Variants in TMEM74 observed in about 807,000 individuals in gnomAD.
The protein encoded by TMEM74 is transmembrane protein 74.
Under a neutral mutation model 18.1 loss-of-function variants are expected in TMEM74, and 13 were observed. The ratio of observed to expected loss-of-function variants is 0.72; its 90% CI spans 0.47 to 1.14. The LOEUF is 1.14. Among genes scored for constraint, TMEM74 ranks in the 50% most tolerant of loss-of-function variants. The probability of loss-of-function intolerance (pLI) is 0.00; values close to 1 mark genes in which losing one functional copy is unlikely to be tolerated. For missense variants in TMEM74, 372 were observed against 375.9 expected, an observed-to-expected ratio of 0.99 and a Z score of 0.09; for synonymous variants, 159 against 146.6, an observed-to-expected ratio of 1.08 and a Z score of -0.61.
intron 1 of TMEM74, among the ~76,000 whole-genome samples, chr8:108,755,174 G>A (rs771910754): frequency 1.7e-4 from 26 of 152,042 alleles, no homozygotes; most frequent in Admixed American, 9.2e-4. Flanking sequence ...CTGCAGTCAA[G>A]GCCTGCCTTT....
Position 108,784,190 on chromosome 8 carries a change from T to TAC in TMEM74, c.907_908dup (p.Gln304TyrfsTer20). ...ATATTCACAACCAGAATTAACTCTG[T>TAC]ACAGCAAGCGCATCTTCCTCTACCA... On this transcript the variant is annotated frameshift_variant, in exon 2 of 2. Transcript: ENST00000297459. LOFTEE classifies it high-confidence loss of function. 6.2e-7 allele frequency: 1 copy of TAC among 1,607,502 alleles called. No individual in the cohort carries two copies. Among genetic ancestry groups the TAC allele is most frequent in the Non-Finnish European group, 8.5e-7 (1 of 1,175,702 alleles).
At chr8:108,690,083 A>G (rs1813209973) in intron 1 of TMEM74, among the ~76,000 whole-genome samples, 1 of 152,116 alleles carries the variant, frequency 6.6e-6, no homozygotes, top group African/African-American at 2.4e-5. Context: ...ACACGTATAT[A>G]TACACTCAAG....
intron 1 of TMEM74, among the ~76,000 whole-genome samples, chr8:108,723,035 A>G: frequency 6.6e-6 from 1 of 152,178 alleles, no homozygotes; most frequent in East Asian, 1.9e-4. Flanking sequence ...AGTGTTCCTT[A>G]CAGGGCTGAG....
intron 1 of TMEM74, among the ~76,000 whole-genome samples, chr8:108,763,990 G>A (rs1022443800): frequency 3.3e-5 from 5 of 152,074 alleles, no homozygotes; most frequent in African/African-American, 9.7e-5. Flanking sequence ...TAGTAAACAT[G>A]GATTTTTACC....
At chr8:108,707,434 G>A (rs1428310614) in intron 1 of TMEM74, among the ~76,000 whole-genome samples, 1 of 151,918 alleles carries the variant, frequency 6.6e-6, no homozygotes, top group Non-Finnish European at 1.5e-5. Flanking sequence ...AACCAAACAC[G>A]CCAAAATTTT....
chr8:108,784,295 G>C lies in TMEM74; in HGVS notation c.804C>G (p.Ser268=). Reference sequence around the variant, plus strand: ...AACCATAGAGTTTTGCAGACTCTTTGGAAGAGGCAAATCTGTTTCGACGAT... The same window carrying C: ...AACCATAGAGTTTTGCAGACTCTTTCGAAGAGGCAAATCTGTTTCGACGAT... ...ELYRRNRFAS[S]KESAKLYGSF... is the part of the protein sequence containing the mutation. Residue 268 remains serine, a synonymous_variant, in exon 2 of 2, where the codon TCC becomes TCG. Transcript: ENST00000297459. 3 of 1,614,038 alleles carry C rather than the reference G, an allele frequency of 1.9e-6. No individual in the cohort carries two copies.
At chr8:108,785,253 C>A in intron 1 of TMEM74, 116 bp from the exon 2 acceptor site, 1 of 718,978 alleles carries the variant, frequency 1.4e-6, no homozygotes, top group Non-Finnish European at 2.2e-6. Flanking sequence ...AGCCCCTTTT[C>A]CACCTCAAAC....
intron 2 of TMEM74, among the ~76,000 whole-genome samples, chr8:108,628,893 G>A (rs1812522497): frequency 6.6e-6 from 1 of 151,934 alleles, no homozygotes. Context: ...GTGATGGTGA[G>A]ATTTTTTTTT....
chr8:108,774,329 A>G (rs562946442), downstream of TMEM74, among the ~76,000 whole-genome samples: 1 of 152,308 alleles, frequency 6.6e-6, no homozygotes, highest in Non-Finnish European at 1.5e-5. Context: ...AAAATCTCCA[A>G]TGCTGTCCCT....
intron 2 of TMEM74, among the ~76,000 whole-genome samples, chr8:108,623,678 T>A (rs1409768340): frequency 6.6e-6 from 1 of 152,088 alleles, no homozygotes; most frequent in Non-Finnish European, 1.5e-5. Context: ...GTATTTCTAA[T>A]TTTCAGGGGA....
chr8:108,780,284 A>G lies in TMEM74; in HGVS notation c.*3897T>C, dbSNP rs1054229305. Among the ~76,000 whole-genome samples the G allele has an allele frequency of 1.6e-4, 24 of 152,160 alleles. No homozygotes were observed. Among genetic ancestry groups the G allele is most frequent in the African/African-American group, 5.8e-4 (24 of 41,438 alleles). ...TTCTCCTAAGAGATATACATATAGAACACTTTTTTAACTTGACAATTAATC... is the reference window on the plus strand; with the variant it reads ...TTCTCCTAAGAGATATACATATAGAGCACTTTTTTAACTTGACAATTAATC... On this transcript the variant is annotated 3_prime_UTR_variant, in exon 2 of 2. Transcript: ENST00000297459.
chr8:108,621,614 G>C (rs1271137031), intron 2 of TMEM74, among the ~76,000 whole-genome samples: 1 of 152,152 alleles, frequency 6.6e-6, no homozygotes, highest in African/African-American at 2.4e-5. Context: ...GTACAGAAGT[G>C]CTTTGCTGTA....
intron 1 of TMEM74, among the ~76,000 whole-genome samples, chr8:108,765,996 C>T (rs1450510639): frequency 2.0e-5 from 3 of 152,058 alleles, no homozygotes; most frequent in Non-Finnish European, 4.4e-5. Context: ...AGTATATCGG[C>T]AGATTATTTT....
At chr8:108,626,775 A>G (rs1307552997) in intron 2 of TMEM74, 2 of 152,016 alleles carry the variant, frequency 1.3e-5, no homozygotes, top group African/African-American at 4.8e-5. Flanking sequence ...CTATCTGTCT[A>G]TCTATATATA....
chr8:108,628,277 A>G lies in TMEM74; in HGVS notation n.265-19451T>C, dbSNP rs77332329. Among the ~76,000 whole-genome samples the G allele has an allele frequency of 2.0e-5, 3 of 152,104 alleles. No homozygotes were observed. In the East Asian group the frequency reaches 5.8e-4, roughly 30 times the overall value. The stretch of plus-strand genomic sequence containing the variant: ...TTTATCACCTTTTTGAATGTATAGA[A>G]AAAACATTTGTCTGTATTTGCACTC... On this transcript the variant is annotated intron_variant and non_coding_transcript_variant, in intron 2 of 3. Transcript: ENST00000518838.
chr8:108,651,670 T>C (rs928695967), intron 2 of TMEM74, among the ~76,000 whole-genome samples: 12 of 152,044 alleles, frequency 7.9e-5, no homozygotes, highest in African/African-American at 2.7e-4. Flanking sequence ...TGTGTGTGTA[T>C]GTGTGTGGTT....
chr8:108,757,992 T>C (rs1813997099), intron 1 of TMEM74, among the ~76,000 whole-genome samples: 1 of 152,014 alleles, frequency 6.6e-6, no homozygotes, highest in South Asian at 2.1e-4. Flanking sequence ...AATTTAAAAA[T>C]TGAATTTTCA....
chr8:108,771,252 A>G (rs750332008), intron 1 of TMEM74, among the ~76,000 whole-genome samples: 90 of 152,158 alleles, frequency 5.9e-4, no homozygotes, highest in Non-Finnish European at 1.1e-3. Context: ...CTACACTTCA[A>G]TGTCATCATC....
intron 1 of TMEM74, among the ~76,000 whole-genome samples, chr8:108,760,074 T>C (rs1814023672): frequency 6.6e-6 from 1 of 150,848 alleles, no homozygotes; most frequent in African/African-American, 2.4e-5. Context: ...TCAGGAGGCT[T>C]AGGTAAGAGA....
Sources: allele counts gnomAD v4.1 joint callset (sites outside exome capture counted in the v4.1 genomes callset), GRCh38; gene constraint gnomAD v4.1.1; transcripts MANE v1.5; gene names NCBI Gene and HGNC (gene_info 2026-07-23, HGNC 2026-07-21).